Variants in GRIN2B observed in about 807,000 individuals in gnomAD.
GRIN2B encodes glutamate receptor ionotropic, NMDA 2B.
Under a neutral mutation model 114.5 loss-of-function variants are expected in GRIN2B, and 5 were observed. The observed-to-expected ratio is 0.04, with a 90% CI of 0.02 to 0.09. The LOEUF (loss-of-function observed/expected upper bound fraction) is 0.09. GRIN2B is among the 10% of genes least tolerant of loss of function. GRIN2B has a pLI of 1.00. For missense variants in GRIN2B, 1,108 were observed against 1,943.5 expected (o/e 0.57, Z 8.08); for synonymous variants, 787 against 745.1 (o/e 1.06, Z -0.92).
intron 3 of GRIN2B, among the ~76,000 whole-genome samples, chr12:13,759,998 C>A (rs1455377378): frequency 6.6e-6 from 1 of 152,216 alleles, no homozygotes; most frequent in African/African-American, 2.4e-5. Flanking sequence ...ATCACACATG[C>A]ACCTCTTCCA....
chr12:13,864,852 G>A (rs1020547896), intron 3 of GRIN2B, among the ~76,000 whole-genome samples: 25 of 152,090 alleles, frequency 1.6e-4, no homozygotes, highest in African/African-American at 5.3e-4. Flanking sequence ...TAAGACTCCC[G>A]AAGCCCAGGC....
In GRIN2B at chr12:13,552,649, G is replaced by T. The variant is rs1177295763; in HGVS notation, c.*10134C>A. 2 of 150,268 alleles carry T rather than the reference G, an allele frequency of 1.3e-5. No individual in the cohort carries two copies. The highest frequency in any genetic ancestry group is 3.0e-5 in the Non-Finnish European group (2 of 67,510). 9.3% of individuals were successfully genotyped at this position (150,268 alleles called of 1,614,324 possible). On this transcript the variant is annotated 3_prime_UTR_variant, in exon 14 of 14. Transcript: ENST00000609686. Reference sequence around the variant, plus strand: ...CCACCAGCTGTTTACCAGATAATTTGTTTCATCAGCTAAAAAAAAAAGTCT... The same window carrying T: ...CCACCAGCTGTTTACCAGATAATTTTTTTCATCAGCTAAAAAAAAAAGTCT...
At chr12:13,902,635 A>G (rs1273585549) in intron 2 of GRIN2B, among the ~76,000 whole-genome samples, 1 of 152,028 alleles carries the variant, frequency 6.6e-6, no homozygotes, top group Admixed American at 6.6e-5. Context: ...ACCTAGTGAA[A>G]CCCCGTCTCT....
rs1243090057 is a variant in GRIN2B, at chr12:13,966,344, A to G, written c.-19+13584T>C. Among the ~76,000 whole-genome samples the G allele has an allele frequency of 2.0e-5, 3 of 152,226 alleles. No homozygotes were observed. In the East Asian group the frequency reaches 5.8e-4, roughly 29 times the overall value. Reference sequence around the variant, plus strand: ...GTCTTTGCCTCCGTTGTCTTCCTTCATTGAAAACCTTCCTTTTCTTTCTCA... The same window carrying G: ...GTCTTTGCCTCCGTTGTCTTCCTTCGTTGAAAACCTTCCTTTTCTTTCTCA... On this transcript the variant is annotated intron_variant, in intron 2 of 13. Transcript: ENST00000609686.
chr12:13,795,286 T>C (rs1348422322), intron 3 of GRIN2B, among the ~76,000 whole-genome samples: 1 of 152,134 alleles, frequency 6.6e-6, no homozygotes, highest in Non-Finnish European at 1.5e-5. Flanking sequence ...GGTATCTAAA[T>C]TTTAGGTGGC....
At chr12:13,791,019 T>C (rs192184420) in intron 3 of GRIN2B, among the ~76,000 whole-genome samples, 29 of 152,222 alleles carry the variant, frequency 1.9e-4, no homozygotes, top group African/African-American at 3.4e-4. Flanking sequence ...GTGCTTGGCA[T>C]CAGGGAAAGG....
Position 13,562,951 on chromosome 12 carries a change from C to T in GRIN2B, c.4287G>A (p.Pro1429=), listed in dbSNP as rs146235271. The T allele has an allele frequency of 2.1e-5, 34 of 1,614,216 alleles. No individual in the cohort carries two copies. The African/African-American group carries it at 2.1e-4, about 10-fold the overall frequency. The change falls in exon 14 of 14, where the codon CCG becomes CCA. Residue 1429 remains proline (P), a synonymous_variant. Transcript: ENST00000609686. ...CGGCCCCATGAAGGGCCGAGACCAC[C>T]GGCTTGTTGGTGACAAGGGCCCGGA... is the stretch of plus-strand genomic sequence containing the variant. ...PDFRALVTNK[P]VVSALHGAVP... is the part of the protein sequence containing the mutation.
chr12:13,626,389 G>C (rs952956516), intron 5 of GRIN2B, among the ~76,000 whole-genome samples: 2 of 152,266 alleles, frequency 1.3e-5, no homozygotes, highest in Middle Eastern at 3.4e-3. Context: ...TTTGGGAACT[G>C]GGCCACAGGC....
intron 2 of GRIN2B, among the ~76,000 whole-genome samples, chr12:13,935,840 T>A (rs958810451): frequency 2.0e-5 from 3 of 152,222 alleles, no homozygotes; most frequent in Non-Finnish European, 4.4e-5. Context: ...GGACAAAAGA[T>A]GTGAGGCAAC....
chr12:13,736,649 T>C (rs917852922), intron 4 of GRIN2B, among the ~76,000 whole-genome samples: 3 of 152,148 alleles, frequency 2.0e-5, no homozygotes, highest in African/African-American at 7.2e-5. Context: ...CTATCAGTCA[T>C]TGTTCATATG....
intron 4 of GRIN2B, among the ~76,000 whole-genome samples, chr12:13,717,549 C>G (rs899676676): frequency 6.6e-6 from 1 of 151,892 alleles, no homozygotes; most frequent in Admixed American, 6.6e-5. Context: ...TACAATAGGG[C>G]TCCTGGCACA....
chr12:13,746,199 G>A (rs567670540), intron 4 of GRIN2B, among the ~76,000 whole-genome samples: 24 of 152,216 alleles, frequency 1.6e-4, no homozygotes. Flanking sequence ...GATTTTTGCA[G>A]GGATCAAATT....
chr12:13,811,329 T>G (rs1211730781), intron 3 of GRIN2B, among the ~76,000 whole-genome samples: 1 of 152,138 alleles, frequency 6.6e-6, no homozygotes, highest in Non-Finnish European at 1.5e-5. Flanking sequence ...TTTTTTTGGT[T>G]TCGGTTTACT....
chr12:13,583,787 A>T (rs1253522186), intron 10 of GRIN2B, among the ~76,000 whole-genome samples: 1 of 152,074 alleles, frequency 6.6e-6, no homozygotes, highest in Non-Finnish European at 1.5e-5. Flanking sequence ...TGGCATCTGC[A>T]CTGACGTTGG....
chr12:13,663,665 A>G (rs1216944911), intron 5 of GRIN2B, among the ~76,000 whole-genome samples: 2 of 152,200 alleles, frequency 1.3e-5, no homozygotes, highest in East Asian at 3.9e-4. Flanking sequence ...AGAATGAAGG[A>G]AAAAAGCTTG....
At chr12:13,607,488 C>A (rs868615005) in intron 10 of GRIN2B, among the ~76,000 whole-genome samples, 7 of 103,402 alleles carry the variant, frequency 6.8e-5, no homozygotes, top group Middle Eastern at 6.3e-3. Flanking sequence ...TATATAGTAT[C>A]TTTTCTCAAG....
chr12:13,569,010 C>T (rs1447271928), intron 12 of GRIN2B, among the ~76,000 whole-genome samples: 1 of 152,092 alleles, frequency 6.6e-6, no homozygotes, highest in Non-Finnish European at 1.5e-5. Context: ...ATTTCTCCGC[C>T]CTACCTCTGG....
At chr12:13,723,732 C>T (rs115025077) in intron 4 of GRIN2B, among the ~76,000 whole-genome samples, 1,786 of 152,118 alleles carry the variant, frequency 0.012, 37 homozygotes, top group African/African-American at 0.041. Context: ...TAGAGGGTAA[C>T]GTATTGGGTT....
intron 3 of GRIN2B, among the ~76,000 whole-genome samples, chr12:13,858,136 A>G (rs2074188165): frequency 6.6e-6 from 1 of 152,238 alleles, no homozygotes; most frequent in African/African-American, 2.4e-5. Flanking sequence ...TCTCTAAAAT[A>G]AAGATAAAAT....
Sources: gnomAD v4.1 joint callset for allele counts (sites outside exome capture counted in the v4.1 genomes callset) on GRCh38, gnomAD v4.1.1 for gene constraint, MANE v1.5 for transcripts, NCBI Gene and HGNC (gene_info 2026-07-23, HGNC 2026-07-21) for gene names.